Variants in MAPKAP1 observed in about 807,000 individuals in gnomAD.
The protein encoded by MAPKAP1 is target of rapamycin complex 2 subunit MAPKAP1.
A neutral mutation model predicts 65.7 loss-of-function variants in MAPKAP1; 20 were observed. The ratio of observed to expected loss-of-function variants is 0.30; its 90% CI spans 0.21 to 0.44. The LOEUF (loss-of-function observed/expected upper bound fraction) is 0.44, where lower values mean the gene tolerates loss of function less well. MAPKAP1 is among the 20% of genes least tolerant of loss of function. The pLI is 1.00. For missense variants in MAPKAP1, 423 were observed against 648.0 expected, an observed-to-expected ratio of 0.65 and a Z score of 3.77; for synonymous variants, 222 against 244.3, an observed-to-expected ratio of 0.91 and a Z score of 0.85.
chr9:125,520,894 CATTGGCTGGA>C (rs986430853), intron 7 of MAPKAP1, among the ~76,000 whole-genome samples: 1 of 152,210 alleles, frequency 6.6e-6, no homozygotes, highest in Non-Finnish European at 1.5e-5. Context: ...CTCACCTGGA[CATTGGCTGGA>C]GAATGGAAGA....
At chr9:125,693,763 GTATATACACA>G (rs1491569010) in intron 1 of MAPKAP1, among the ~76,000 whole-genome samples, 1 of 72,930 alleles carries the variant, frequency 1.4e-5, no homozygotes, top group Non-Finnish European at 2.9e-5. Flanking sequence ...ATATATACAC[GTATATACACA>G]TATATACACG....
chr9:125,519,317 C>T (rs1284372928), intron 7 of MAPKAP1, among the ~76,000 whole-genome samples: 1 of 152,160 alleles, frequency 6.6e-6, no homozygotes, highest in African/African-American at 2.4e-5. Context: ...AGAGGACTGA[C>T]TGGAGCATCT....
At chr9:125,548,216 G>A (rs186543348) in intron 6 of MAPKAP1, among the ~76,000 whole-genome samples, 259 of 152,252 alleles carry the variant, frequency 1.7e-3, no homozygotes, top group African/African-American at 5.9e-3. Context: ...TCAACAATGT[G>A]GTCCCTAACC....
At chr9:125,470,964 A>C (rs1326134051) in intron 9 of MAPKAP1, 1 of 152,194 alleles carries the variant, frequency 6.6e-6, no homozygotes, top group East Asian at 1.9e-4. Context: ...GTAGGCTTTC[A>C]GTCAAGTAGT....
intron 4 of MAPKAP1, among the ~76,000 whole-genome samples, chr9:125,611,191 T>C (rs1441890220): frequency 6.6e-6 from 1 of 152,212 alleles, no homozygotes; most frequent in Non-Finnish European, 1.5e-5. Context: ...CTCACTGAAC[T>C]TTTACTAATA....
intron 6 of MAPKAP1, among the ~76,000 whole-genome samples, chr9:125,557,628 C>T (rs1052748367): frequency 4.7e-5 from 7 of 147,490 alleles, no homozygotes; most frequent in Non-Finnish European, 8.8e-5. Flanking sequence ...AGATAATGAC[C>T]ATCATCATCA....
intron 4 of MAPKAP1, among the ~76,000 whole-genome samples, chr9:125,652,677 C>G (rs1833926720): frequency 6.6e-6 from 1 of 152,014 alleles, no homozygotes; most frequent in African/African-American, 2.4e-5. Context: ...TAGCTAAGCC[C>G]AAAAAGTAGG....
At chr9:125,691,697 C>A (rs1436228397) in intron 1 of MAPKAP1, among the ~76,000 whole-genome samples, 1 of 152,098 alleles carries the variant, frequency 6.6e-6, no homozygotes, top group Non-Finnish European at 1.5e-5. Flanking sequence ...AAAAAAAAGT[C>A]AATCTTTGGC....
chr9:125,461,734 G>A (rs1430849233), intron 10 of MAPKAP1, among the ~76,000 whole-genome samples: 1 of 152,140 alleles, frequency 6.6e-6, no homozygotes, highest in African/African-American at 2.4e-5. Context: ...TATTTGATCT[G>A]GAACTTATGA....
At chr9:125,700,985 G>A (rs943527971) in intron 1 of MAPKAP1, among the ~76,000 whole-genome samples, 5 of 152,212 alleles carry the variant, frequency 3.3e-5, no homozygotes, top group Non-Finnish European at 2.9e-5. Context: ...TTTCCCAGAG[G>A]AAGTAATGAA....
intron 7 of MAPKAP1, among the ~76,000 whole-genome samples, chr9:125,515,397 A>G (rs1395487843): frequency 6.6e-6 from 1 of 152,224 alleles, no homozygotes; most frequent in Non-Finnish European, 1.5e-5. Flanking sequence ...AAGTGCTGTT[A>G]TCTTGGCTTG....
At chr9:125,639,360 A>G (rs1036940247) in intron 4 of MAPKAP1, among the ~76,000 whole-genome samples, 11 of 152,142 alleles carry the variant, frequency 7.2e-5, no homozygotes, top group African/African-American at 2.7e-4. Flanking sequence ...TAACTTCCCC[A>G]TACCTCAGTC....
intron 4 of MAPKAP1, among the ~76,000 whole-genome samples, chr9:125,623,629 T>C (rs1419982420): frequency 1.7e-4 from 2 of 11,830 alleles, no homozygotes; most frequent in African/African-American, 1.9e-4. Flanking sequence ...GTGAGGAGCC[T>C]CTCTGCCCAG....
rs367633825 is a variant in MAPKAP1, at chr9:125,590,653, GA to G, written c.499-4927del. 6.3e-3 allele frequency among the ~76,000 whole-genome samples: 937 copies of G among 149,128 alleles called. 16 individuals carry two copies. The highest frequency in any genetic ancestry group is 0.022 in the African/African-American group (899 of 40,756). On this transcript the variant is annotated intron_variant, in intron 4 of 11. Coordinates refer to ENST00000265960, the MANE Select transcript of MAPKAP1 (RefSeq NM_001006617.3). ...CAACAAGAGTCAAACTCCGTCTCAA[GA>G]AAAAAAAAGGGGGGCGGGGCATAGG...
At chr9:125,644,179 A>G (rs1208972431) in intron 4 of MAPKAP1, among the ~76,000 whole-genome samples, 1 of 152,204 alleles carries the variant, frequency 6.6e-6, no homozygotes. Flanking sequence ...AAAAATAGAC[A>G]TTTTACTAAT....
At chr9:125,632,494 C>T (rs1057031295) in intron 4 of MAPKAP1, among the ~76,000 whole-genome samples, 5 of 152,194 alleles carry the variant, frequency 3.3e-5, no homozygotes, top group Admixed American at 6.5e-5. Flanking sequence ...TGACCCTAAA[C>T]CTTTTCTTTC....
At chr9:125,551,083 A>G (rs1830570464) in intron 6 of MAPKAP1, among the ~76,000 whole-genome samples, 1 of 152,220 alleles carries the variant, frequency 6.6e-6, no homozygotes, top group Admixed American at 6.5e-5. Flanking sequence ...ATTTTAAAAT[A>G]TCATAAAAAA....
At chr9:125,478,608 A>T (rs1007394445) in intron 9 of MAPKAP1, among the ~76,000 whole-genome samples, 1 of 152,092 alleles carries the variant, frequency 6.6e-6, no homozygotes, top group Non-Finnish European at 1.5e-5. Flanking sequence ...GGGATTACAG[A>T]TCTGAGCCAT....
At chr9:125,574,568 G>A (rs1304204127) in intron 5 of MAPKAP1, among the ~76,000 whole-genome samples, 12 of 152,158 alleles carry the variant, frequency 7.9e-5, no homozygotes, top group African/African-American at 2.9e-4. Flanking sequence ...ACATACTGAA[G>A]AGTTCAAATA....
Sources: allele counts gnomAD v4.1 joint callset (sites outside exome capture counted in the v4.1 genomes callset), GRCh38; gene constraint gnomAD v4.1.1; transcripts MANE v1.5; gene names NCBI Gene and HGNC (gene_info 2026-07-23, HGNC 2026-07-21).